The following ROBO1 variants were observed in gnomAD, a reference collection of about 807,000 sequenced individuals.
The protein encoded by ROBO1 is roundabout homolog 1.
A neutral mutation model predicts 195.9 loss-of-function variants in ROBO1; 149 were observed. The observed-to-expected ratio is 0.76, with a 90% CI of 0.67 to 0.87. The LOEUF (loss-of-function observed/expected upper bound fraction) is 0.87. Ranked by LOEUF, ROBO1 falls within the 40% of genes least tolerant of loss-of-function variation. The probability of loss-of-function intolerance (pLI) is 0.00; values close to 1 mark genes in which losing one functional copy is unlikely to be tolerated. For missense variants in ROBO1, 1,933 were observed against 2,068.3 expected (o/e 0.93, Z 1.27); for synonymous variants, 816 against 733.2 (o/e 1.11, Z -1.82).
At chr3:79,007,184 TA>T (rs779652019) in intron 3 of ROBO1, among the ~76,000 whole-genome samples, 16 of 152,184 alleles carry the variant, frequency 1.1e-4, no homozygotes, top group Non-Finnish European at 2.1e-4. Context: ...AAGAACAAAA[TA>T]ACTCTCTTCA....
At chr3:79,493,188 T>G (rs143896518) in intron 2 of ROBO1, among the ~76,000 whole-genome samples, 1 of 152,180 alleles carries the variant, frequency 6.6e-6, no homozygotes, top group Non-Finnish European at 1.5e-5. Flanking sequence ...TTTTAAAACA[T>G]ATTATTCTTG....
chr3:78,625,571 TAA>T (rs1213978725), intron 26 of ROBO1, among the ~76,000 whole-genome samples: 1 of 152,128 alleles, frequency 6.6e-6, no homozygotes, highest in African/African-American at 2.4e-5. Context: ...CAACAGAATA[TAA>T]GAGTTGAACA....
At chr3:79,645,379 G>C (rs1468391323) in intron 1 of ROBO1, among the ~76,000 whole-genome samples, 1 of 151,980 alleles carries the variant, frequency 6.6e-6, no homozygotes, top group Non-Finnish European at 1.5e-5. Flanking sequence ...ATGCACACCT[G>C]TAGTCCAAGT....
At chr3:79,614,829 T>C in intron 1 of ROBO1, among the ~76,000 whole-genome samples, 1 of 151,950 alleles carries the variant, frequency 6.6e-6, no homozygotes, top group South Asian at 2.1e-4. Flanking sequence ...ATTAAAAATA[T>C]AAATAAAGAG....
At chr3:79,372,210 TTTTTTTTC>T (rs1250378259) in intron 2 of ROBO1, among the ~76,000 whole-genome samples, 4 of 150,660 alleles carry the variant, frequency 2.7e-5, no homozygotes, top group Non-Finnish European at 5.9e-5. Context: ...ATTCTTTTTT[TTTTTTTTC>T]TTTTTTTGAG....
chr3:79,284,309 T>C (rs983606405), intron 2 of ROBO1, among the ~76,000 whole-genome samples: 2 of 152,088 alleles, frequency 1.3e-5, no homozygotes, highest in South Asian at 2.1e-4. Flanking sequence ...CTCAAAGTTA[T>C]ATGAGAACAT....
intron 4 of ROBO1, among the ~76,000 whole-genome samples, chr3:78,902,289 G>A (rs1233474198): frequency 2.0e-5 from 3 of 152,124 alleles, no homozygotes; most frequent in Admixed American, 2.0e-4. Flanking sequence ...TGAAATTAAA[G>A]AATAAATGTA....
At chr3:79,336,600 C>A (rs146795640) in intron 2 of ROBO1, among the ~76,000 whole-genome samples, 2 of 152,234 alleles carry the variant, frequency 1.3e-5, no homozygotes, top group African/African-American at 4.8e-5. Flanking sequence ...ATGGACAGAG[C>A]CCTCATGGTG....
intron 2 of ROBO1, among the ~76,000 whole-genome samples, chr3:79,376,501 G>A (rs564884461): frequency 1.2e-4 from 19 of 152,140 alleles, no homozygotes; most frequent in Non-Finnish European, 1.5e-5. Flanking sequence ...TTGTGGGAGG[G>A]ACCTGGTGTG....
intron 2 of ROBO1, among the ~76,000 whole-genome samples, chr3:79,290,875 TTCTC>T (rs1467531811): frequency 5.9e-5 from 9 of 152,176 alleles, no homozygotes; most frequent in Non-Finnish European, 1.2e-4. Context: ...TGTCATCTAA[TTCTC>T]TCCAGGTCAC....
rs375062242 is a variant in ROBO1, at chr3:79,136,834, G to GA, written c.89-11296dup. ...TAAGTTATGTTATAGAGATTGAGAG[G>GA]AAAAAAAATCAGTAGGTGCTTTTAG... On this transcript the variant is annotated intron_variant, in intron 2 of 30. Coordinates refer to ENST00000464233, the MANE Select transcript of ROBO1 (RefSeq NM_002941.4). 3.7e-4 allele frequency among the ~76,000 whole-genome samples: 55 copies of GA among 150,060 alleles called. 2 individuals carry two copies. The East Asian group carries it at 8.3e-3, about 23-fold the overall frequency.
chr3:78,639,750 G>T lies in ROBO1; in HGVS notation c.3031C>A (p.Arg1011Ser). 6.2e-7 allele frequency: 1 copy of T among 1,612,572 alleles called. No homozygotes were observed. Among genetic ancestry groups the T allele is most frequent in the South Asian group, 1.1e-5 (1 of 90,894 alleles). ...CTCTCTCTGTGTCCCTAACCTGGGC[G>T]ACTGTAGGTAGTGAGGTTGCTGTCG... ...NSDSNLTTYS[R>S]PADCIANYNN... is the part of the protein sequence containing the mutation. Residue 1011 changes from arginine to serine, a missense_variant, in exon 22 of 31, where the codon CGC (arginine) becomes AGC (serine). Arg to Ser is a moderately radical substitution (Grantham distance 110, BLOSUM62 -1). Coordinates refer to ENST00000464233, the MANE Select transcript of ROBO1 (RefSeq NM_002941.4).
intron 2 of ROBO1, among the ~76,000 whole-genome samples, chr3:79,309,464 G>A (rs113523570): frequency 2.0e-4 from 30 of 152,112 alleles, no homozygotes; most frequent in African/African-American, 7.2e-4. Context: ...AAATAGCCAA[G>A]CATGGTGGCA....
chr3:78,858,450 G>A (rs1419643051), intron 4 of ROBO1, among the ~76,000 whole-genome samples: 1 of 151,440 alleles, frequency 6.6e-6, no homozygotes, highest in African/African-American at 2.4e-5. Context: ...AAAACTGGGT[G>A]AGATGCAGTG....
intron 1 of ROBO1, among the ~76,000 whole-genome samples, chr3:79,732,294 GATCA>G (rs1703186014): frequency 1.3e-5 from 2 of 151,708 alleles, no homozygotes; most frequent in African/African-American, 4.8e-5. Context: ...TTTGAGACTA[GATCA>G]GTCATTACAA....
At chr3:79,384,429 T>C (rs529081624) in intron 2 of ROBO1, among the ~76,000 whole-genome samples, 176 of 152,056 alleles carry the variant, frequency 1.2e-3, no homozygotes, top group African/African-American at 4.2e-3. Flanking sequence ...AACATGTAAA[T>C]AGGTATTTGT....
chr3:79,703,781 T>C (rs1947688818), intron 1 of ROBO1, among the ~76,000 whole-genome samples: 2 of 151,998 alleles, frequency 1.3e-5, no homozygotes, highest in South Asian at 4.1e-4. Context: ...AAACTTTTGC[T>C]TATAATTAAA....
intron 3 of ROBO1, among the ~76,000 whole-genome samples, chr3:79,066,728 A>G (rs1158983315): frequency 1.3e-5 from 2 of 151,966 alleles, no homozygotes; most frequent in Non-Finnish European, 2.9e-5. Flanking sequence ...AAGACACTTG[A>G]AACTTACAGT....
chr3:79,733,442 A>C (rs1334026331), intron 1 of ROBO1, among the ~76,000 whole-genome samples: 1 of 152,182 alleles, frequency 6.6e-6, no homozygotes, highest in Non-Finnish European at 1.5e-5. Context: ...AGAAAGCTCC[A>C]CAAACTCACC....
Sources: gnomAD v4.1 joint callset for allele counts (sites outside exome capture counted in the v4.1 genomes callset) on GRCh38, gnomAD v4.1.1 for gene constraint, MANE v1.5 for transcripts, NCBI Gene and HGNC (gene_info 2026-07-23, HGNC 2026-07-21) for gene names.